HLTF: variants seen among roughly 807,000 people sequenced by gnomAD.
HLTF encodes the protein DNA-dependent ATPase/E3 ubiquitin-protein ligase HLTF.
HLTF carries 127 observed loss-of-function variants against 129.4 expected under a neutral mutation model. That is an observed-to-expected ratio of 0.98 (90% confidence interval 0.85 to 1.14). HLTF has a LOEUF of 1.14. HLTF is among the 50% of genes most tolerant of loss of function. The pLI is 0.00. For missense variants in HLTF, 1,139 were observed against 1,187.1 expected, an observed-to-expected ratio of 0.96 and a Z score of 0.60; for synonymous variants, 332 against 388.8, an observed-to-expected ratio of 0.85 and a Z score of 1.72.
chr3:149,040,774 G>A (rs1240104553), intron 20 of HLTF, among the ~76,000 whole-genome samples: 3 of 152,094 alleles, frequency 2.0e-5, no homozygotes, highest in African/African-American at 7.2e-5. Context: ...AGGGTAAATG[G>A]TTGGGAGGGG....
In HLTF at chr3:149,079,596, CT is replaced by C. The variant is rs1719703819; in HGVS notation, c.229-3550del. 5.3e-5 allele frequency among the ~76,000 whole-genome samples: 8 copies of C among 151,668 alleles called. No individual in the cohort carries two copies. The South Asian group carries it at 1.7e-3, about 32-fold the overall frequency. ...TGAGCAAAGGTTTTTTTGGGGTTTTCTTTGTTGTTGTTTTTTTGAGACAGAG... is the reference window on the plus strand; with the variant it reads ...TGAGCAAAGGTTTTTTTGGGGTTTTCTTGTTGTTGTTTTTTTGAGACAGAG... On this transcript the variant is annotated intron_variant, in intron 2 of 24. Coordinates refer to ENST00000310053, the MANE Select transcript of HLTF (RefSeq NM_003071.4).
intron 13 of HLTF, among the ~76,000 whole-genome samples, chr3:149,056,054 T>C (rs539876037): frequency 6.6e-6 from 1 of 152,252 alleles, no homozygotes; most frequent in South Asian, 2.1e-4. Context: ...TGCTGACAAC[T>C]ATGTGAGTGA....
chr3:149,060,648 G>C lies in HLTF; in HGVS notation c.1280C>G (p.Ala427Gly). 2 of 1,610,856 alleles carry C rather than the reference G, an allele frequency of 1.2e-6. No homozygotes were observed. Among genetic ancestry groups the C allele is most frequent in the Middle Eastern group, 1.7e-4 (1 of 5,878 alleles). The stretch of plus-strand genomic sequence containing the variant: ...GGTATATAGTATACACATACCTTTC[G>C]CCCTGCCTTTAGTTTCAGACTGTAC... ...KNVQSETKGR[A>G]KAGSSKVIED... The change falls in exon 12 of 25, where the codon GCG becomes GGG. Residue 427 changes from alanine to glycine, a missense_variant. Ala to Gly is a moderately conservative substitution (Grantham distance 60). Transcript: ENST00000310053.
At chr3:149,054,584 G>A (rs1010781636) in intron 14 of HLTF, among the ~76,000 whole-genome samples, 5 of 152,066 alleles carry the variant, frequency 3.3e-5, no homozygotes, top group Non-Finnish European at 7.4e-5. Flanking sequence ...ATCATAACAA[G>A]AAGTTTGAAG....
At position 149,063,462 on chromosome 3, in the gene HLTF, T is replaced by A. The variant is rs148206552; in HGVS notation, c.1129A>T (p.Met377Leu). The A allele has an allele frequency of 6.2e-7, 1 of 1,609,622 alleles. No individual in the cohort carries two copies. Among genetic ancestry groups the A allele is most frequent in the Non-Finnish European group, 8.5e-7 (1 of 1,176,116 alleles). The change falls in exon 10 of 25, where the codon ATG becomes TTG. Residue 377 changes from methionine to leucine, a missense_variant. Transcript: ENST00000310053. Reference sequence around the variant, plus strand: ...GGGCGGGAGCTAGACAATTCTGACATGCGAAACTTACTCTTCTCCTTGATA... The same window carrying A: ...GGGCGGGAGCTAGACAATTCTGACAAGCGAAACTTACTCTTCTCCTTGATA... ...SDIKEKSKFR[M>L]SELSSSRPKR...
At chr3:149,037,186 A>AGG (rs1559853511) in intron 23 of HLTF, among the ~76,000 whole-genome samples, 1 of 152,048 alleles carries the variant, frequency 6.6e-6, no homozygotes, top group Non-Finnish European at 1.5e-5. Flanking sequence ...AATACAACAG[A>AGG]CCGGCTGGGC....
chr3:149,030,663 A>G lies in HLTF; in HGVS notation c.*1557T>C, dbSNP rs561552109. The stretch of plus-strand genomic sequence containing the variant: ...GCTTGATCTACCAGGTAACTTCCCA[A>G]CTGCTCCTAATGCTAGCGGGCTAAT... On this transcript the variant is annotated 3_prime_UTR_variant, in exon 25 of 25. Coordinates refer to ENST00000310053, the MANE Select transcript of HLTF (RefSeq NM_003071.4). 6.2e-4 allele frequency: 94 copies of G among 152,286 alleles called. No individual in the cohort carries two copies. The highest frequency in any genetic ancestry group is 2.2e-3 in the African/African-American group (90 of 41,548). 9.4% of individuals were successfully genotyped at this position (152,286 alleles called of 1,614,324 possible). A position where few individuals can be genotyped will look rare whatever the true frequency, so the allele number is the denominator to read the frequency against.
chr3:149,059,493 C>T (rs1717742685), intron 13 of HLTF: 4 of 500,452 alleles, frequency 8.0e-6, no homozygotes, highest in Admixed American at 6.9e-5. Context: ...GAGTAAGGGC[C>T]CCCATCACAT....
intron 2 of HLTF, chr3:149,083,823 T>C (rs1002837359): frequency 4.6e-5 from 7 of 151,002 alleles, no homozygotes; most frequent in Non-Finnish European, 1.0e-4. Context: ...GGAGGCTGAA[T>C]TGGGAGAATT....
At chr3:149,050,470 A>T in intron 14 of HLTF, 95 bp from the exon 15 acceptor site, 1 of 680,274 alleles carries the variant, frequency 1.5e-6, no homozygotes, top group Non-Finnish European at 2.4e-6. Context: ...GTAGTGTGAC[A>T]AATCCAACTA....
chr3:149,063,853 T>G (rs2108025278), intron 9 of HLTF, among the ~76,000 whole-genome samples: 1 of 152,248 alleles, frequency 6.6e-6, no homozygotes, highest in African/African-American at 2.4e-5. Context: ...CTGTTATAAA[T>G]TTACATGTTC....
intron 8 of HLTF, among the ~76,000 whole-genome samples, chr3:149,066,906 A>G (rs955086243): frequency 6.6e-6 from 1 of 152,168 alleles, no homozygotes; most frequent in Non-Finnish European, 1.5e-5. Flanking sequence ...CTAAGTGCAG[A>G]CATTAATAAA....
intron 2 of HLTF, among the ~76,000 whole-genome samples, chr3:149,082,140 T>C (rs1034489792): frequency 3.9e-5 from 6 of 152,220 alleles, no homozygotes; most frequent in African/African-American, 1.2e-4. Flanking sequence ...AGTTCTAGAA[T>C]AGGCAAAACT....
intron 8 of HLTF, 26 bp downstream of exon 8, chr3:149,068,214 A>G: frequency 1.0e-6 from 1 of 957,576 alleles, no homozygotes; most frequent in East Asian, 2.5e-5. Context: ...GAGGTTTCAC[A>G]TAAAGCGCAC....
intron 23 of HLTF, among the ~76,000 whole-genome samples, chr3:149,035,586 G>A (rs1289840287): frequency 7.2e-6 from 1 of 138,332 alleles, no homozygotes; most frequent in Non-Finnish European, 1.5e-5. Flanking sequence ...TGAACCCCGG[G>A]AGGCGGAGCC....
intron 2 of HLTF, among the ~76,000 whole-genome samples, chr3:149,083,277 G>A (rs1720042718): frequency 6.6e-6 from 1 of 151,214 alleles, no homozygotes; most frequent in African/African-American, 2.4e-5. Context: ...ACAAATAAAA[G>A]AACATGCATT....
intron 2 of HLTF, among the ~76,000 whole-genome samples, chr3:149,080,062 T>C (rs368279070): frequency 6.6e-6 from 1 of 151,916 alleles, no homozygotes; most frequent in Non-Finnish European, 1.5e-5. Context: ...CTATTTAACA[T>C]AAAAATGAGT....
At chr3:149,051,803 G>C (rs1717023023) in intron 14 of HLTF, among the ~76,000 whole-genome samples, 1 of 152,166 alleles carries the variant, frequency 6.6e-6, no homozygotes, top group Admixed American at 6.5e-5. Context: ...CCAGGAGACA[G>C]AGGTTGCAGT....
At chr3:149,036,297 G>T (rs1184277144) in intron 23 of HLTF, among the ~76,000 whole-genome samples, 11 of 107,972 alleles carry the variant, frequency 1.0e-4, no homozygotes, top group East Asian at 5.9e-4. Flanking sequence ...AAACTATGAG[G>T]TTTTTTTTTT....
Sources: gnomAD v4.1 joint callset for allele counts (sites outside exome capture counted in the v4.1 genomes callset) on GRCh38, gnomAD v4.1.1 for gene constraint, MANE v1.5 for transcripts, NCBI Gene and HGNC (gene_info 2026-07-23, HGNC 2026-07-21) for gene names.